LIMCH1: variants seen among roughly 807,000 people sequenced by gnomAD.
The protein encoded by LIMCH1 is LIM and calponin homology domains-containing protein 1.
LIMCH1 carries 113 observed loss-of-function variants against 176.5 expected under a neutral mutation model. The ratio of observed to expected loss-of-function variants is 0.64; its 90% CI spans 0.55 to 0.75. The LOEUF (loss-of-function observed/expected upper bound fraction) is 0.75, where lower values mean the gene tolerates loss of function less well. Ranked by LOEUF, LIMCH1 falls within the 30% of genes least tolerant of loss-of-function variation. LIMCH1 has a pLI of 0.00. For synonymous variants in LIMCH1, 619 were observed against 645.9 expected (o/e 0.96, Z 0.63); for missense variants, 1,674 against 1,814.9 (o/e 0.92, Z 1.41).
intron 16 of LIMCH1, 47 bp downstream of exon 16, chr4:41,646,327 G>GT (rs34126010): frequency 0.077 from 95,542 of 1,235,578 alleles, 731 homozygotes; most frequent in Non-Finnish European, 0.086. Flanking sequence ...TTATCTAGGT[G>GT]TTTTTTTTTT....
chr4:41,457,935 G>A (rs987384995), intron 1 of LIMCH1, among the ~76,000 whole-genome samples: 1 of 152,160 alleles, frequency 6.6e-6, no homozygotes, highest in Admixed American at 6.5e-5. Flanking sequence ...GAGGAACTAC[G>A]AAATGGGAAA....
chr4:41,444,276 ATGTATG>A lies in LIMCH1; in HGVS notation c.97-50250_97-50245del, dbSNP rs1424988014. On this transcript the variant is annotated intron_variant, in intron 1 of 26. Coordinates refer to the LIMCH1 transcript ENST00000313860. ...GTCATATTACATATGACTGAAATAT[ATGTATG>A]TGTATGTGTGTGAGTGTGTGTGTAT... Among the ~76,000 whole-genome samples, 5 of 149,500 alleles carry A rather than the reference ATGTATG, an allele frequency of 3.3e-5. No homozygotes were observed. The Admixed American group carries it at 3.4e-4, about 10-fold the overall frequency.
chr4:41,511,596 C>T (rs1486912460), intron 2 of LIMCH1, among the ~76,000 whole-genome samples: 5 of 152,222 alleles, frequency 3.3e-5, no homozygotes, highest in African/African-American at 4.8e-5. Flanking sequence ...GTACTGACAG[C>T]GACTCACCCA....
chr4:41,695,781 A>G (rs982706764), intron 31 of LIMCH1, among the ~76,000 whole-genome samples: 1 of 152,100 alleles, frequency 6.6e-6, no homozygotes, highest in Non-Finnish European at 1.5e-5. Flanking sequence ...ATACTGTTTA[A>G]TTCTTTGCTG....
chr4:41,685,498 A>AG (rs1166906568), intron 27 of LIMCH1, among the ~76,000 whole-genome samples: 4 of 152,186 alleles, frequency 2.6e-5, no homozygotes, highest in African/African-American at 4.8e-5. Context: ...GAAATCAGCG[A>AG]GGGGAAAGGG....
chr4:41,629,868 C>A, intron 9 of LIMCH1, 134 bp downstream of exon 9: 2 of 1,060,232 alleles, frequency 1.9e-6, no homozygotes, highest in Non-Finnish European at 2.6e-6. Flanking sequence ...AATATAGTGG[C>A]TTGATCACAG....
intron 7 of LIMCH1, among the ~76,000 whole-genome samples, chr4:41,621,179 G>T (rs1226744706): frequency 6.6e-6 from 1 of 152,026 alleles, no homozygotes; most frequent in Admixed American, 6.6e-5. Context: ...AGTAGAATTG[G>T]GTTTATTTGA....
chr4:41,648,964 TTATG>T (rs2094179774), intron 17 of LIMCH1, among the ~76,000 whole-genome samples: 1 of 144,046 alleles, frequency 6.9e-6, no homozygotes, highest in African/African-American at 2.6e-5. Flanking sequence ...TCAGTTATAT[TTATG>T]TGTGTGTGTG....
chr4:41,677,968 G>A lies in LIMCH1; in HGVS notation c.3519+1506G>A, dbSNP rs1404439066. ...TTTTAAATTATACTTCAAGTTCTGG[G>A]ATACATGTGCAGAACGGGCAGGTTT... is the stretch of plus-strand genomic sequence containing the variant. On this transcript the variant is annotated intron_variant, in intron 23 of 31. Transcript: ENST00000503057. Among the ~76,000 whole-genome samples the A allele has an allele frequency of 2.0e-5, 3 of 151,888 alleles. 1 individual carries two copies. Among genetic ancestry groups the A allele is most frequent in the Admixed American group, 2.0e-4 (3 of 15,244 alleles).
At chr4:41,492,413 C>T (rs1017085199) in intron 1 of LIMCH1, among the ~76,000 whole-genome samples, 4 of 149,128 alleles carry the variant, frequency 2.7e-5, no homozygotes, top group Admixed American at 6.7e-5. Flanking sequence ...GGGAGAGGCT[C>T]CACAAGAGAG....
chr4:41,609,267 A>G (rs2091135509), intron 4 of LIMCH1, among the ~76,000 whole-genome samples: 1 of 150,142 alleles, frequency 6.7e-6, no homozygotes, highest in South Asian at 2.1e-4. Context: ...CATGATACTT[A>G]TCATCCAATT....
chr4:41,449,652 T>TA (rs1376777549), intron 1 of LIMCH1, among the ~76,000 whole-genome samples: 1 of 152,122 alleles, frequency 6.6e-6, no homozygotes, highest in Non-Finnish European at 1.5e-5. Flanking sequence ...TGGTCATAGT[T>TA]AAAAAAATCC....
intron 1 of LIMCH1, among the ~76,000 whole-genome samples, chr4:41,388,114 A>G (rs1191161057): frequency 6.6e-6 from 1 of 152,228 alleles, no homozygotes. Context: ...TCAAAAGAAA[A>G]GTTAACTTAC....
At chr4:41,360,026 G>GGTGTGTGTGTGTGTGTGTGTGTGTGT, upstream of LIMCH1, among the ~76,000 whole-genome samples, 1 of 145,774 alleles carries the variant, frequency 6.9e-6, no homozygotes, top group Non-Finnish European at 1.5e-5. This position sits in a 1 kb window ranked among gnomAD's most constrained non-coding sequence, Gnocchi z 4.5. Context: ...GGGTGTGTAG[G>GGTGTGTGTGTGTGTGTGTGTGTGTGT]GTGTGTGTGT....
chr4:41,530,759 C>G (rs2077171918), intron 3 of LIMCH1, among the ~76,000 whole-genome samples: 1 of 135,954 alleles, frequency 7.4e-6, no homozygotes, highest in Non-Finnish European at 1.5e-5. Context: ...TGTGCCATTG[C>G]ACTCCAGCCG....
At chr4:41,605,215 A>C (rs2090534491) in intron 3 of LIMCH1, among the ~76,000 whole-genome samples, 1 of 152,178 alleles carries the variant, frequency 6.6e-6, no homozygotes, top group South Asian at 2.1e-4. Context: ...AGACATTCTT[A>C]AATATCCAAG....
chr4:41,562,437 A>G (rs2082192982), intron 1 of LIMCH1, among the ~76,000 whole-genome samples: 1 of 152,192 alleles, frequency 6.6e-6, no homozygotes, highest in Non-Finnish European at 1.5e-5. Context: ...TAAAAGGAAA[A>G]GTGTCAATAA....
chr4:41,596,048 C>CAAAAA (rs1452167402), intron 1 of LIMCH1, among the ~76,000 whole-genome samples: 1 of 100,664 alleles, frequency 9.9e-6, no homozygotes, highest in African/African-American at 6.9e-5. Context: ...GACTCCATCT[C>CAAAAA]AAAAAAAAAA....
chr4:41,615,461 G>C (rs1171935658), intron 5 of LIMCH1, among the ~76,000 whole-genome samples: 2 of 152,114 alleles, frequency 1.3e-5, no homozygotes, highest in Non-Finnish European at 2.9e-5. Flanking sequence ...AAAAAAACAT[G>C]AAATTAGAGC....
Sources: gnomAD v4.1 joint callset for allele counts (sites outside exome capture counted in the v4.1 genomes callset) on GRCh38, gnomAD v4.1.1 for gene constraint, Gnocchi (gnomAD v3.1) non-coding constraint, MANE v1.5 for transcripts, NCBI Gene and HGNC (gene_info 2026-07-23, HGNC 2026-07-21) for gene names.